Variants in SLC35D1 observed in about 807,000 individuals in gnomAD.
SLC35D1 encodes solute carrier family 35 member D1, also known as nucleotide sugar transporter SLC35D1.
SLC35D1 carries 31 observed loss-of-function variants against 46.7 expected under a neutral mutation model. That is an observed-to-expected ratio of 0.66 (90% CI 0.50 to 0.90). SLC35D1 has a LOEUF of 0.90. SLC35D1 is among the 40% of genes least tolerant of loss of function. SLC35D1 has a pLI of 0.00. For missense variants in SLC35D1, 397 were observed against 426.2 expected (o/e 0.93, Z 0.60); for synonymous variants, 195 against 164.6 (o/e 1.18, Z -1.41).
the SLC35D1 span, chr1:66,986,733 G>GT: frequency 3.8e-4 from 130 of 342,922 alleles, no homozygotes; most frequent in African/African-American, 2.1e-3. Flanking sequence ...GGGTGGAAGT[G>GT]TTGAGAAGTA....
rs1165925702 is a variant in SLC35D1 at position 67,042,435 on chromosome 1, C to T, written c.637-107G>A. On this transcript the variant is annotated intron_variant, in intron 7 of 11. Coordinates refer to ENST00000235345, the MANE Select transcript of SLC35D1 (RefSeq NM_015139.3). ...ACATAAATACACAAACACACACACC[C>T]TCCCCTACAACATACACAGCAAATG... is the stretch of plus-strand genomic sequence containing the variant. The T allele has an allele frequency of 3.3e-6, 3 of 912,168 alleles. No individual in the cohort carries two copies. In the Admixed American group the frequency reaches 5.1e-5, roughly 16 times the overall value. The allele number at this position is 912,168 out of a possible 1,614,324, so 56.5% of individuals were successfully genotyped here.
rs758390636 is a variant in SLC35D1, at chr1:67,052,810, T to A, written c.285A>T (p.Val95=). 6.2e-7 allele frequency: 1 copy of A among 1,614,228 alleles called. No individual in the cohort carries two copies. Residue 95 remains valine (V), a synonymous_variant, in exon 3 of 12, where the codon GTA becomes GTT. Coordinates refer to ENST00000235345, the MANE Select transcript of SLC35D1 (RefSeq NM_015139.3). ...TTCTGTCAAGGTCAGGAAACTTGAC[T>A]ACTCTGAGCGCCTTTCCCACCCAGA... ...AVLWVGKALR[V]VKFPDLDRNV... is the part of the protein sequence containing the mutation.
At chr1:66,983,266 G>A in the SLC35D1 span, among the ~76,000 whole-genome samples, 4 of 152,220 alleles carry the variant, frequency 2.6e-5, no homozygotes, top group South Asian at 4.1e-4. Flanking sequence ...AATCACAGTC[G>A]TCAGCTAGCT....
intron 7 of SLC35D1, among the ~76,000 whole-genome samples, chr1:67,046,394 T>G (rs1181372663): frequency 6.6e-6 from 1 of 152,078 alleles, no homozygotes; most frequent in Non-Finnish European, 1.5e-5. Context: ...GACTAAAAAC[T>G]AAGCAGTTAA....
At chr1:67,045,546 G>A (rs1645243564) in intron 7 of SLC35D1, among the ~76,000 whole-genome samples, 1 of 151,896 alleles carries the variant, frequency 6.6e-6, no homozygotes, top group Non-Finnish European at 1.5e-5. Context: ...TATGAGCTAG[G>A]AGAAGTAATC....
downstream of SLC35D1, among the ~76,000 whole-genome samples, chr1:66,995,464 A>T: frequency 9.4e-6 from 1 of 106,356 alleles, no homozygotes; most frequent in Non-Finnish European, 2.1e-5. Flanking sequence ...AAAAAAAAAA[A>T]AAAAAAAAAA....
At chr1:66,988,872 G>A in the SLC35D1 span, among the ~76,000 whole-genome samples, 2 of 152,202 alleles carry the variant, frequency 1.3e-5, no homozygotes, top group African/African-American at 2.4e-5. Context: ...GATGCGGCAT[G>A]CCCTGTTCTT....
intron 11 of SLC35D1, among the ~76,000 whole-genome samples, chr1:67,007,072 T>C (rs1002705697): frequency 4.6e-5 from 7 of 152,224 alleles, no homozygotes; most frequent in Admixed American, 3.9e-4. Context: ...CTTCATTCTC[T>C]TCTCCCCTAC....
At chr1:67,004,818 A>T (rs1667414126) in intron 11 of SLC35D1, among the ~76,000 whole-genome samples, 1 of 152,196 alleles carries the variant, frequency 6.6e-6, no homozygotes, top group African/African-American at 2.4e-5. Context: ...CTGACATTAC[A>T]GGTAAATTTT....
chr1:67,013,734 T>C (rs2102255161), intron 10 of SLC35D1, among the ~76,000 whole-genome samples: 1 of 152,204 alleles, frequency 6.6e-6, no homozygotes, highest in South Asian at 2.1e-4. Flanking sequence ...GTGACTTGTG[T>C]GTGTGTGAGA....
At chr1:67,030,529 A>G (rs1667996907) in intron 8 of SLC35D1, among the ~76,000 whole-genome samples, 1 of 152,190 alleles carries the variant, frequency 6.6e-6, no homozygotes. Flanking sequence ...AATCACTGAC[A>G]TGGAGGGAAT....
At chr1:66,975,262 C>T in the SLC35D1 span, among the ~76,000 whole-genome samples, 1 of 152,188 alleles carries the variant, frequency 6.6e-6, no homozygotes, top group Non-Finnish European at 1.5e-5. Context: ...TGCAGTGGCT[C>T]ATGCCTGTTA....
downstream of SLC35D1, among the ~76,000 whole-genome samples, chr1:66,995,472 A>AAAAAAAAAAAAAAC: frequency 9.8e-6 from 1 of 102,170 alleles, no homozygotes; most frequent in Non-Finnish European, 2.1e-5. Context: ...AAAAAAAAAA[A>AAAAAAAAAAAAAAC]AAAAAAAAAA....
At chr1:67,019,559 A>C (rs1252191459) in intron 10 of SLC35D1, among the ~76,000 whole-genome samples, 2 of 152,250 alleles carry the variant, frequency 1.3e-5, no homozygotes, top group African/African-American at 4.8e-5. Context: ...ACAGCAGAGC[A>C]GTAAAAACTT....
the SLC35D1 span, among the ~76,000 whole-genome samples, chr1:66,990,362 C>G: frequency 6.6e-6 from 1 of 152,168 alleles, no homozygotes; most frequent in Non-Finnish European, 1.5e-5. Flanking sequence ...GCAGCCTCAA[C>G]CTCTCTGACT....
At chr1:66,974,433 T>TTTG in the SLC35D1 span, among the ~76,000 whole-genome samples, 6 of 151,566 alleles carry the variant, frequency 4.0e-5, no homozygotes, top group Admixed American at 2.0e-4. Context: ...AGGTTTTTTT[T>TTTG]TTGTTGTTGT....
chr1:66,974,306 C>T, the SLC35D1 span, among the ~76,000 whole-genome samples: 1 of 151,836 alleles, frequency 6.6e-6, no homozygotes, highest in African/African-American at 2.4e-5. Context: ...CTGATAACCT[C>T]AAATATAGTT....
chr1:66,990,251 A>G, the SLC35D1 span, among the ~76,000 whole-genome samples: 1 of 152,138 alleles, frequency 6.6e-6, no homozygotes, highest in African/African-American at 2.4e-5. Context: ...AAAACACACC[A>G]TGAACATACG....
intron 10 of SLC35D1, among the ~76,000 whole-genome samples, chr1:67,019,960 A>G (rs1341142769): frequency 6.6e-6 from 1 of 152,126 alleles, no homozygotes; most frequent in Non-Finnish European, 1.5e-5. Flanking sequence ...AGGCATAGGA[A>G]AACCCCCCCA....
Sources: allele counts gnomAD v4.1 joint callset (sites outside exome capture counted in the v4.1 genomes callset), GRCh38; gene constraint gnomAD v4.1.1; transcripts MANE v1.5; gene names NCBI Gene and HGNC (gene_info 2026-07-23, HGNC 2026-07-21).